The following PDGFC variants were observed in gnomAD, a reference collection of about 807,000 sequenced individuals.
The protein encoded by PDGFC is platelet-derived growth factor C.
Under a neutral mutation model 35.5 loss-of-function variants are expected in PDGFC, and 12 were observed. The observed-to-expected ratio is 0.34, with a 90% CI of 0.22 to 0.55. The LOEUF is 0.55. Among genes scored for constraint, PDGFC ranks in the 20% least tolerant of loss-of-function variants. The pLI is 0.91. For missense variants in PDGFC, 322 were observed against 412.4 expected, an observed-to-expected ratio of 0.78 and a Z score of 1.90; for synonymous variants, 159 against 148.8, an observed-to-expected ratio of 1.07 and a Z score of -0.50.
At chr4:156,825,551 A>AAAT (rs565531965) in intron 2 of PDGFC, among the ~76,000 whole-genome samples, 2,285 of 93,818 alleles carry the variant, frequency 0.024, 43 homozygotes, top group Non-Finnish European at 0.03. Context: ...CCCTGTCTCC[A>AAAT]AATAATAATA....
intron 2 of PDGFC, among the ~76,000 whole-genome samples, chr4:156,834,252 A>G (rs1163629029): frequency 6.6e-6 from 1 of 152,188 alleles, no homozygotes; most frequent in Non-Finnish European, 1.5e-5. Flanking sequence ...TTGCAGCATG[A>G]TATCAAACTA....
intron 3 of PDGFC, among the ~76,000 whole-genome samples, chr4:156,800,382 A>T (rs1372489986): frequency 6.6e-6 from 1 of 152,204 alleles, no homozygotes; most frequent in African/African-American, 2.4e-5. Context: ...GAGGACATAA[A>T]AATGGAAAGT....
intron 2 of PDGFC, among the ~76,000 whole-genome samples, chr4:156,829,398 C>T (rs189350079): frequency 1.2e-3 from 176 of 152,256 alleles, no homozygotes; most frequent in African/African-American, 3.9e-3. Flanking sequence ...TATTTTGTAG[C>T]ATGAAAAGGG....
rs527945204 is a variant in PDGFC at position 156,776,109 on chromosome 4, G to GA, written c.496-3217dup. 2.6e-5 allele frequency among the ~76,000 whole-genome samples: 4 copies of GA among 151,668 alleles called. No homozygotes were observed. The East Asian group carries it at 5.8e-4, about 22-fold the overall frequency. On this transcript the variant is annotated intron_variant, in intron 3 of 5. Transcript: ENST00000502773. ...TCTCAGAGAGAAAGGGGGGAGCAAT[G>GA]AAAAAAAGAAGTTACAGAAAAAAAA...
At chr4:156,812,941 A>G (rs1731978301) in intron 2 of PDGFC, among the ~76,000 whole-genome samples, 1 of 152,036 alleles carries the variant, frequency 6.6e-6, no homozygotes. Context: ...CACAAAGACA[A>G]AGAGGAGATA....
chr4:156,769,715 G>A (rs968200275), intron 4 of PDGFC, among the ~76,000 whole-genome samples: 27 of 151,902 alleles, frequency 1.8e-4, no homozygotes, highest in Non-Finnish European at 2.5e-4. Flanking sequence ...CCTAATAAAA[G>A]TAATGAGCTC....
At chr4:156,791,130 A>T (rs1029133250) in intron 3 of PDGFC, among the ~76,000 whole-genome samples, 1 of 152,124 alleles carries the variant, frequency 6.6e-6, no homozygotes, top group Non-Finnish European at 1.5e-5. Flanking sequence ...CTACTTAATG[A>T]CCTTGTGCTG....
chr4:156,893,718 G>A (rs547985230), intron 1 of PDGFC, among the ~76,000 whole-genome samples: 46 of 151,818 alleles, frequency 3.0e-4, no homozygotes, highest in African/African-American at 1.1e-3. Context: ...TGCTCAGATT[G>A]GTCTGTTAGT....
intron 1 of PDGFC, among the ~76,000 whole-genome samples, chr4:156,922,857 C>T (rs1301013044): frequency 6.6e-6 from 1 of 152,074 alleles, no homozygotes; most frequent in Admixed American, 6.5e-5. Context: ...AAAAAGGATA[C>T]ATCGTAGTTA....
intron 1 of PDGFC, among the ~76,000 whole-genome samples, chr4:156,952,064 G>T (rs1282836205): frequency 6.6e-6 from 1 of 151,768 alleles, no homozygotes; most frequent in Non-Finnish European, 1.5e-5. Context: ...AACAAAATGT[G>T]TCCTCTTTAT....
At chr4:156,767,324 A>G (rs1730566177) in intron 5 of PDGFC, among the ~76,000 whole-genome samples, 2 of 152,144 alleles carry the variant, frequency 1.3e-5, no homozygotes, top group South Asian at 4.1e-4. Flanking sequence ...AGTTTATTAT[A>G]ATTATGAATA....
intron 1 of PDGFC, chr4:156,876,292 T>C (rs777488047): frequency 8.5e-5 from 13 of 152,180 alleles, no homozygotes; most frequent in Non-Finnish European, 1.8e-4. Flanking sequence ...TAAGTATTTG[T>C]TTAGTTATGT....
intron 1 of PDGFC, among the ~76,000 whole-genome samples, chr4:156,902,819 A>T (rs2110771780): frequency 6.6e-6 from 1 of 152,054 alleles, no homozygotes; most frequent in South Asian, 2.1e-4. Flanking sequence ...TGCCTGAAAT[A>T]TTTTTCCTAG....
intron 2 of PDGFC, among the ~76,000 whole-genome samples, chr4:156,825,566 T>G (rs1579036087): frequency 4.9e-5 from 4 of 82,468 alleles, no homozygotes; most frequent in South Asian, 4.9e-4. Flanking sequence ...ATAATAATAA[T>G]AATAATAATA....
chr4:156,805,641 A>T (rs1560819565), intron 3 of PDGFC, among the ~76,000 whole-genome samples: 1 of 151,966 alleles, frequency 6.6e-6, no homozygotes, highest in Non-Finnish European at 1.5e-5. Flanking sequence ...GCCTTGTTTG[A>T]GAGTTGGTTG....
At position 156,763,135 on chromosome 4, in the gene PDGFC, G is replaced by A. The variant is rs370916167; in HGVS notation, c.993C>T (p.His331=). 1.1e-5 allele frequency: 18 copies of A among 1,612,444 alleles called. No individual in the cohort carries two copies. Among genetic ancestry groups the A allele is most frequent in the East Asian group, 2.2e-5 (1 of 44,858 alleles). ...HKSLTDVALE[H]HEECDCVCRG... ...TGCACACACAGTCACACTCCTCATG[G>A]TGCTCCAGGGCCACGTCGGTGAGTG... Residue 331 remains histidine (H), a synonymous_variant, in exon 6 of 6, where the codon CAC becomes CAT. Transcript: ENST00000502773.
chr4:156,817,400 T>C (rs1207387537), intron 2 of PDGFC, among the ~76,000 whole-genome samples: 1 of 152,272 alleles, frequency 6.6e-6, no homozygotes, highest in East Asian at 1.9e-4. Flanking sequence ...TAAGACTATA[T>C]TTTAAAAGTA....
rs1042422189 is a variant in PDGFC at position 156,875,858 on chromosome 4, G to A, written c.119-25442C>T. Among the ~76,000 whole-genome samples the A allele has an allele frequency of 1.4e-4, 21 of 152,242 alleles. 1 individual carries two copies. In the South Asian group the frequency reaches 4.1e-3, roughly 30 times the overall value. On this transcript the variant is annotated intron_variant, in intron 1 of 5. Coordinates refer to ENST00000502773, the MANE Select transcript of PDGFC (RefSeq NM_016205.3). ...AGGTTGTACCACTGCATTCCAGCCT[G>A]GGTGACAGAGCAAAACCCTGTTGGG...
chr4:156,894,397 C>T (rs796313235), intron 1 of PDGFC, among the ~76,000 whole-genome samples: 4 of 152,248 alleles, frequency 2.6e-5, no homozygotes, highest in African/African-American at 9.6e-5. Context: ...TTAAGTCTCT[C>T]TCCATAAATA....
Sources: gnomAD v4.1 joint callset for allele counts (sites outside exome capture counted in the v4.1 genomes callset) on GRCh38, gnomAD v4.1.1 for gene constraint, MANE v1.5 for transcripts, NCBI Gene and HGNC (gene_info 2026-07-23, HGNC 2026-07-21) for gene names.